The following ADGRL3 variants were observed in gnomAD, a reference collection of about 807,000 sequenced individuals.
ADGRL3 encodes the protein calcium-independent alpha-latrotoxin receptor 3.
Under a neutral mutation model 153.5 loss-of-function variants are expected in ADGRL3, and 62 were observed. That is an observed-to-expected ratio of 0.40 (90% confidence interval 0.33 to 0.50). The LOEUF is 0.50. ADGRL3 is among the 20% of genes least tolerant of loss of function. The pLI is 0.47. For synonymous variants in ADGRL3, 710 were observed against 672.5 expected (o/e 1.06, Z -0.86); for missense variants, 1,641 against 1,859.4 (o/e 0.88, Z 2.16).
intron 1 of ADGRL3, among the ~76,000 whole-genome samples, chr4:61,272,104 A>G (rs2093217102): frequency 6.7e-6 from 1 of 148,754 alleles, no homozygotes; most frequent in Admixed American, 6.8e-5. Context: ...ATTACTTAGA[A>G]TCCCTGATTT....
intron 3 of ADGRL3, among the ~76,000 whole-genome samples, chr4:61,499,950 G>A (rs1026186919): frequency 3.3e-5 from 5 of 150,592 alleles, no homozygotes; most frequent in Non-Finnish European, 7.4e-5. Flanking sequence ...GTCTTGGTTT[G>A]GGAACTGATA....
chr4:61,438,469 A>G (rs2097481940), intron 2 of ADGRL3, among the ~76,000 whole-genome samples: 1 of 151,622 alleles, frequency 6.6e-6, no homozygotes, highest in Admixed American at 6.6e-5. Context: ...GTACTTAGTG[A>G]TAGTACACTA....
chr4:61,575,488 A>C (rs1051337979), intron 4 of ADGRL3, among the ~76,000 whole-genome samples: 1 of 151,824 alleles, frequency 6.6e-6, no homozygotes, highest in Non-Finnish European at 1.5e-5. Context: ...TTTCCATCAT[A>C]GTTCTTGTGG....
intron 8 of ADGRL3, among the ~76,000 whole-genome samples, chr4:61,769,828 G>C (rs2097060433): frequency 6.6e-6 from 1 of 152,056 alleles, no homozygotes; most frequent in Non-Finnish European, 1.5e-5. Flanking sequence ...GCCAGGAAAA[G>C]GACTTTCACA....
chr4:61,449,434 C>CAA (rs1470430014), intron 2 of ADGRL3, among the ~76,000 whole-genome samples: 6 of 151,844 alleles, frequency 4.0e-5, no homozygotes, highest in Non-Finnish European at 7.4e-5. Context: ...CACGCCCGGC[C>CAA]TATTTTTTCC....
intron 13 of ADGRL3, among the ~76,000 whole-genome samples, chr4:61,916,943 A>C (rs2098747777): frequency 6.6e-6 from 1 of 151,776 alleles, no homozygotes; most frequent in Non-Finnish European, 1.5e-5. Flanking sequence ...ACAGAGTGAG[A>C]CTCCATCTCC....
Position 62,071,740 on chromosome 4 carries a change from C to CT in ADGRL3, c.*839dup. The CT allele has an allele frequency of 2.4e-6, 1 of 412,158 alleles. No individual in the cohort carries two copies. The highest frequency in any genetic ancestry group is 1.8e-5 in the South Asian group (1 of 54,848). The allele number at this position is 412,158 out of a possible 1,614,324, so 25.5% of individuals were successfully genotyped here. On this transcript the variant is annotated 3_prime_UTR_variant, in exon 27 of 27. Transcript: ENST00000683033. The stretch of plus-strand genomic sequence containing the variant: ...TTCCTTTCTTCTCTTTCTTCATTTT[C>CT]TTTTTTTCTTTTTTGCCTTTTATTC...
At chr4:61,294,855 A>T (rs2094348431) in intron 1 of ADGRL3, among the ~76,000 whole-genome samples, 1 of 151,202 alleles carries the variant, frequency 6.6e-6, no homozygotes, top group Admixed American at 6.6e-5. Flanking sequence ...CTCAATGTAA[A>T]TTCCTTTTGT....
intron 8 of ADGRL3, among the ~76,000 whole-genome samples, chr4:61,760,751 T>C (rs1421306416): frequency 6.6e-6 from 1 of 152,218 alleles, no homozygotes; most frequent in Non-Finnish European, 1.5e-5. Context: ...GGGTCGCTCA[T>C]GCTGGGAGCT....
intron 4 of ADGRL3, among the ~76,000 whole-genome samples, chr4:61,553,016 A>G (rs574454328): frequency 5.9e-5 from 9 of 152,290 alleles, no homozygotes; most frequent in South Asian, 2.1e-4. Context: ...AGTCAGGAAA[A>G]CAGGTAATTT....
chr4:61,667,264 A>G (rs1213285794), intron 5 of ADGRL3, among the ~76,000 whole-genome samples: 2 of 152,132 alleles, frequency 1.3e-5, no homozygotes, highest in African/African-American at 4.8e-5. Context: ...CATTTTCAGA[A>G]TATTATTAAG....
intron 8 of ADGRL3, among the ~76,000 whole-genome samples, chr4:61,746,651 G>T (rs1278457956): frequency 6.6e-6 from 1 of 152,110 alleles, no homozygotes; most frequent in African/African-American, 2.4e-5. Flanking sequence ...GATGTTCTTT[G>T]AAACCAACAA....
chr4:61,961,163 C>T (rs2098986416), intron 17 of ADGRL3, among the ~76,000 whole-genome samples: 1 of 151,982 alleles, frequency 6.6e-6, no homozygotes, highest in Non-Finnish European at 1.5e-5. Flanking sequence ...AGATATTAAC[C>T]ATTTGTAAGA....
intron 19 of ADGRL3, among the ~76,000 whole-genome samples, chr4:61,994,694 C>T (rs1312804259): frequency 6.6e-6 from 1 of 151,984 alleles, no homozygotes; most frequent in Admixed American, 6.6e-5. Context: ...TTGTTCACTT[C>T]TAGTGCTCTC....
chr4:61,259,326 G>A (rs2092306704), intron 1 of ADGRL3, among the ~76,000 whole-genome samples: 1 of 152,034 alleles, frequency 6.6e-6, no homozygotes, highest in Non-Finnish European at 1.5e-5. Flanking sequence ...AGGAGGCTGA[G>A]GCAGGAGAAT....
intron 8 of ADGRL3, among the ~76,000 whole-genome samples, chr4:61,759,684 C>A (rs1009517622): frequency 6.6e-6 from 1 of 152,200 alleles, no homozygotes; most frequent in African/African-American, 2.4e-5. Flanking sequence ...CAAAGCCATT[C>A]TCCGTCCAGC....
intron 4 of ADGRL3, among the ~76,000 whole-genome samples, chr4:61,518,328 C>G (rs1346356649): frequency 2.6e-5 from 4 of 152,270 alleles, no homozygotes; most frequent in African/African-American, 9.6e-5. Context: ...GCTAGTGGAA[C>G]TATGAATATC....
chr4:61,229,409 T>C (rs1420446236), intron 1 of ADGRL3, among the ~76,000 whole-genome samples: 2 of 152,228 alleles, frequency 1.3e-5, no homozygotes, highest in Non-Finnish European at 2.9e-5. Context: ...CTGGACATTA[T>C]TAGCTTTATT....
At chr4:61,912,619 GGT>G in intron 12 of ADGRL3, 98 bp from the exon 13 acceptor site, 1 of 982,814 alleles carries the variant, frequency 1.0e-6, no homozygotes, top group Non-Finnish European at 1.6e-6. Flanking sequence ...GACAAAATAA[GGT>G]GTTTTGTGTA....
Sources: allele counts gnomAD v4.1 joint callset (sites outside exome capture counted in the v4.1 genomes callset), GRCh38; gene constraint gnomAD v4.1.1; transcripts MANE v1.5; gene names NCBI Gene and HGNC (gene_info 2026-07-23, HGNC 2026-07-21).